Variants in CAPN3 observed in about 807,000 individuals in gnomAD.
The protein encoded by CAPN3 is calpain-3.
A neutral mutation model predicts 114.0 loss-of-function variants in CAPN3; 88 were observed. The observed-to-expected ratio is 0.77, with a 90% CI of 0.65 to 0.92. The LOEUF (loss-of-function observed/expected upper bound fraction) is 0.92, where lower values mean the gene tolerates loss of function less well. Ranked by LOEUF, CAPN3 falls within the 40% of genes least tolerant of loss-of-function variation. CAPN3 has a pLI of 0.00. For missense variants in CAPN3, 1,028 were observed against 1,069.0 expected (o/e 0.96, Z 0.53); for synonymous variants, 386 against 382.9 (o/e 1.01, Z -0.09).
At chr15:42,371,694 T>A (rs545077311) in intron 1 of CAPN3, among the ~76,000 whole-genome samples, 67 of 152,326 alleles carry the variant, frequency 4.4e-4, no homozygotes, top group African/African-American at 1.6e-3. Flanking sequence ...CTGGGCGTGG[T>A]GGCTCATACC....
At chr15:42,398,623 A>T (rs1362450189) in intron 9 of CAPN3, among the ~76,000 whole-genome samples, 1 of 148,920 alleles carries the variant, frequency 6.7e-6, no homozygotes, top group East Asian at 1.9e-4. Flanking sequence ...ACACACACAC[A>T]CACACACACA....
At chr15:42,410,210 C>A (rs1227691274) in intron 19 of CAPN3, among the ~76,000 whole-genome samples, 3 of 152,146 alleles carry the variant, frequency 2.0e-5, no homozygotes, top group African/African-American at 7.2e-5. Flanking sequence ...CCCTGTGCTT[C>A]TCTCAGGCCT....
Position 42,360,104 on chromosome 15 carries a change from A to G in CAPN3, c.299A>G (p.Lys100Arg), listed in dbSNP as rs1346596058. Residue 100 changes from lysine (K) to arginine (R), a missense_variant, in exon 1 of 24, where the codon AAG becomes AGG. Coordinates refer to ENST00000397163, the MANE Select transcript of CAPN3 (RefSeq NM_000070.3). ...AAGTTCCCCATCCAGTTCGTCTGGA[A>G]GAGACCTCCGGTGAGTAGCTTCCTG... ...SQKFPIQFVW[K>R]RPPEICENPR... 1.2e-6 allele frequency: 2 copies of G among 1,614,210 alleles called. No homozygotes were observed. The highest frequency in any genetic ancestry group is 2.7e-5 in the African/African-American group (2 of 75,060).
chr15:42,409,515 A>AC, intron 17 of CAPN3, 135 bp downstream of exon 17: 12 of 942,554 alleles, frequency 1.3e-5, no homozygotes, highest in Non-Finnish European at 2.0e-5. Flanking sequence ...ATGTGTGCGT[A>AC]GCACACAAAT....
At position 42,411,891 on chromosome 15, in the gene CAPN3, C is replaced by G. The variant is rs1323232573; in HGVS notation, c.*118C>G. Reference sequence around the variant, plus strand: ...AGCTACACCCCTACAGGCTTCCAGGCACCTCATCAGTCATGCTCCTCCTCC... The same window carrying G: ...AGCTACACCCCTACAGGCTTCCAGGGACCTCATCAGTCATGCTCCTCCTCC... On this transcript the variant is annotated 3_prime_UTR_variant, in exon 24 of 24. Transcript: ENST00000397163. 6 of 1,589,400 alleles carry G rather than the reference C, an allele frequency of 3.8e-6. No individual in the cohort carries two copies. In the Admixed American group the frequency reaches 7.3e-5, roughly 19 times the overall value.
chr15:42,365,578 C>T (rs1417397586), intron 1 of CAPN3, among the ~76,000 whole-genome samples: 2 of 151,834 alleles, frequency 1.3e-5, no homozygotes, highest in African/African-American at 4.8e-5. Flanking sequence ...TGGGTCTTTT[C>T]CCCTCACCTT....
intron 8 of CAPN3, among the ~76,000 whole-genome samples, chr15:42,394,582 G>T (rs2053642730): frequency 6.6e-6 from 1 of 152,204 alleles, no homozygotes; most frequent in South Asian, 2.1e-4. Flanking sequence ...AAGGATTCCA[G>T]AAAGCGTGGG....
intron 3 of CAPN3, 24 bp downstream of exon 3, chr15:42,386,309 AGAGGGCCAGCG>A (rs768543005): frequency 6.5e-7 from 1 of 1,536,486 alleles, no homozygotes; most frequent in Non-Finnish European, 9.0e-7. Context: ...AGTGTAGTTA[AGAGGGCCAGCG>A]GCAGGCCACC....
chr15:42,390,536 T>C (rs1335158943), intron 6 of CAPN3, among the ~76,000 whole-genome samples: 3 of 152,164 alleles, frequency 2.0e-5, no homozygotes, highest in Non-Finnish European at 2.9e-5. Flanking sequence ...CTCCCTCTTG[T>C]AGAGTTTATA....
intron 9 of CAPN3, among the ~76,000 whole-genome samples, 181 bp downstream of exon 9, chr15:42,397,058 G>A (rs2053714967): frequency 6.6e-6 from 1 of 152,176 alleles, no homozygotes; most frequent in Non-Finnish European, 1.5e-5. Flanking sequence ...AGGCCACAGG[G>A]ACAACTGAGC....
intron 4 of CAPN3, 47 bp downstream of exon 4, chr15:42,387,933 G>A (rs1424359172): frequency 1.2e-6 from 2 of 1,613,350 alleles, no homozygotes; most frequent in Admixed American, 1.7e-5. Flanking sequence ...GTGAGAAAGT[G>A]GGTTGCAAAA....
intron 1 of CAPN3, among the ~76,000 whole-genome samples, chr15:42,366,838 TTC>T (rs1217167071): frequency 0.026 from 3,760 of 144,238 alleles, 297 homozygotes; most frequent in African/African-American, 0.098. Context: ...CTTTTTTTTT[TTC>T]TTTTTTTTTT....
At chr15:42,389,382 T>A (rs2053492853) in intron 5 of CAPN3, among the ~76,000 whole-genome samples, 1 of 152,174 alleles carries the variant, frequency 6.6e-6, no homozygotes, top group Non-Finnish European at 1.5e-5. Context: ...TGCTCCTCAG[T>A]CTCAGCACGC....
chr15:42,408,195 T>C lies in CAPN3; in HGVS notation c.1801-16T>C. The C allele has an allele frequency of 6.3e-7, 1 of 1,575,636 alleles. No homozygotes were observed. Among genetic ancestry groups the C allele is most frequent in the Non-Finnish European group, 8.7e-7 (1 of 1,146,308 alleles). On this transcript the variant is annotated splice_polypyrimidine_tract_variant and intron_variant, in intron 15 of 23. Transcript: ENST00000397163. ...TAATCCTCCCTTCCTTCCTGCCTCC[T>C]CCCTCCTCTCTCCAGCCCATCATCT...
At chr15:42,381,210 C>T (rs1299251098) in intron 1 of CAPN3, among the ~76,000 whole-genome samples, 1 of 151,764 alleles carries the variant, frequency 6.6e-6, no homozygotes, top group African/African-American at 2.4e-5. Context: ...TATTTATTTC[C>T]TCTCCAGTGC....
chr15:42,411,879 C>G lies in CAPN3; in HGVS notation c.*106C>G. The G allele has an allele frequency of 3.1e-6, 5 of 1,596,712 alleles. No individual in the cohort carries two copies. The highest frequency in any genetic ancestry group is 4.3e-6 in the Non-Finnish European group (5 of 1,171,170). On this transcript the variant is annotated 3_prime_UTR_variant, in exon 24 of 24. Coordinates refer to ENST00000397163, the MANE Select transcript of CAPN3 (RefSeq NM_000070.3). Reference sequence around the variant, plus strand: ...AAAGGACCCAGCAGCTACACCCCTACAGGCTTCCAGGCACCTCATCAGTCA... The same window carrying G: ...AAAGGACCCAGCAGCTACACCCCTAGAGGCTTCCAGGCACCTCATCAGTCA...
At chr15:42,399,723 C>A (rs1285856266) in intron 10 of CAPN3, 71 bp downstream of exon 10, 16 of 1,236,416 alleles carry the variant, frequency 1.3e-5, no homozygotes, top group Middle Eastern at 2.7e-4. Context: ...CTAACTAGTG[C>A]TTATTAAGTC....
intron 2 of CAPN3, among the ~76,000 whole-genome samples, chr15:42,385,478 G>A (rs2053369780): frequency 6.6e-6 from 1 of 151,834 alleles, no homozygotes; most frequent in Non-Finnish European, 1.5e-5. Context: ...ATCCTCCTTA[G>A]AAGGCAGCTC....
intron 3 of CAPN3, 135 bp downstream of exon 3, chr15:42,386,420 C>G: frequency 1.3e-6 from 1 of 763,720 alleles, no homozygotes; most frequent in Non-Finnish European, 2.4e-6. Flanking sequence ...CATGGACCCC[C>G]TTAAGGCTTC....
Sources: gnomAD v4.1 joint callset for allele counts (sites outside exome capture counted in the v4.1 genomes callset) on GRCh38, gnomAD v4.1.1 for gene constraint, MANE v1.5 for transcripts, NCBI Gene and HGNC (gene_info 2026-07-23, HGNC 2026-07-21) for gene names.